DYM: variants seen among roughly 807,000 people sequenced by gnomAD.
DYM encodes the protein dymeclin, also known as dyggve-Melchior-Clausen syndrome protein.
Under a neutral mutation model 93.1 loss-of-function variants are expected in DYM, and 78 were observed. The observed-to-expected ratio is 0.84, with a 90% CI of 0.70 to 1.01. The LOEUF is 1.01. DYM is among the 50% of genes least tolerant of loss of function. The pLI, the probability that DYM is intolerant of heterozygous loss-of-function variation, is 0.00. For synonymous variants in DYM, 321 were observed against 319.7 expected, an observed-to-expected ratio of 1.00 and a Z score of -0.04; for missense variants, 789 against 845.0, an observed-to-expected ratio of 0.93 and a Z score of 0.82.
rs1035005245 is a variant in DYM at position 49,295,415 on chromosome 18, C to T, written c.764-8799G>A. ...TAAATTCCAACAAATGGGATATGAA[C>T]GGGAGCAGCACATGCAACTTTCAGG... On this transcript the variant is annotated intron_variant, in intron 8 of 17. Coordinates refer to ENST00000675505, the MANE Select transcript of DYM (RefSeq NM_001353214.3). Among the ~76,000 whole-genome samples, 4 of 152,066 alleles carry T rather than the reference C, an allele frequency of 2.6e-5. No individual in the cohort carries two copies. The East Asian group carries it at 7.7e-4, about 29-fold the overall frequency.
chr18:49,153,397 C>A (rs984069612), intron 15 of DYM, among the ~76,000 whole-genome samples: 1 of 152,106 alleles, frequency 6.6e-6, no homozygotes, highest in African/African-American at 2.4e-5. Flanking sequence ...CTCTGTTTTA[C>A]ACAGTTTCTT....
chr18:49,049,516 G>T (rs990220772), intron 17 of DYM, among the ~76,000 whole-genome samples: 6 of 152,164 alleles, frequency 3.9e-5, no homozygotes, highest in African/African-American at 1.4e-4. Flanking sequence ...CTGAGGCTTG[G>T]AATGTAACCA....
Position 49,039,050 on chromosome 18 carries a change from TA to T in DYM, c.*5004del, listed in dbSNP as rs2070808006. Among the ~76,000 whole-genome samples the T allele has an allele frequency of 6.6e-6, 1 of 152,252 alleles. No homozygotes were observed. The highest frequency in any genetic ancestry group is 1.5e-5 in the Non-Finnish European group (1 of 68,038). ...AGGGCTCTGTCCTTACGTTTGGGATTATTTTCCTTCTGCCTGTAAAACACCT... is the reference window on the plus strand; with the variant it reads ...AGGGCTCTGTCCTTACGTTTGGGATTTTTTCCTTCTGCCTGTAAAACACCT... On this transcript the variant is annotated 3_prime_UTR_variant, in exon 18 of 18. Coordinates refer to ENST00000675505, the MANE Select transcript of DYM (RefSeq NM_001353214.3).
chr18:49,046,333 A>G (rs1265951429), intron 17 of DYM, among the ~76,000 whole-genome samples: 3 of 149,990 alleles, frequency 2.0e-5, no homozygotes, highest in Non-Finnish European at 4.5e-5. Flanking sequence ...GACACACACA[A>G]TACACACACA....
At chr18:49,436,911 C>G (rs1373978445) in intron 1 of DYM, among the ~76,000 whole-genome samples, 1 of 152,110 alleles carries the variant, frequency 6.6e-6, no homozygotes, top group African/African-American at 2.4e-5. Context: ...AACTTAAAAG[C>G]AAGCAATTTT....
intron 15 of DYM, among the ~76,000 whole-genome samples, chr18:49,156,549 T>C (rs1222834977): frequency 1.3e-5 from 2 of 151,770 alleles, no homozygotes; most frequent in African/African-American, 4.8e-5. Context: ...CTGGCCAACA[T>C]GATGAGACCC....
intron 17 of DYM, among the ~76,000 whole-genome samples, chr18:49,077,393 G>A (rs954029630): frequency 3.3e-5 from 5 of 152,090 alleles, no homozygotes; most frequent in African/African-American, 1.2e-4. Context: ...ATTGAGATCT[G>A]TTCTATGGCT....
At chr18:49,147,800 C>T (rs1438706742) in intron 15 of DYM, among the ~76,000 whole-genome samples, 2 of 152,174 alleles carry the variant, frequency 1.3e-5, no homozygotes, top group Non-Finnish European at 2.9e-5. Flanking sequence ...CCTCAGGGAT[C>T]TAGAACTACA....
intron 5 of DYM, among the ~76,000 whole-genome samples, chr18:49,374,459 G>A (rs937277040): frequency 3.3e-5 from 5 of 152,190 alleles, no homozygotes; most frequent in African/African-American, 1.2e-4. Context: ...TATTTTGCCT[G>A]TGAAAGTTTA....
chr18:49,281,243 C>G (rs567469152), intron 10 of DYM, among the ~76,000 whole-genome samples: 2 of 152,320 alleles, frequency 1.3e-5, no homozygotes, highest in Non-Finnish European at 2.9e-5. Context: ...CAAATCAAAA[C>G]CTCAATGAGA....
chr18:49,130,237 T>C (rs1178374031), intron 15 of DYM, among the ~76,000 whole-genome samples: 2 of 152,144 alleles, frequency 1.3e-5, no homozygotes, highest in Admixed American at 6.5e-5. Context: ...AAAAGCCCTC[T>C]GACACTGCAG....
chr18:49,080,085 G>T (rs1312780553), intron 17 of DYM, among the ~76,000 whole-genome samples: 1 of 140,540 alleles, frequency 7.1e-6, no homozygotes, highest in African/African-American at 2.7e-5. Flanking sequence ...CTCACCTCCC[G>T]GACGGGGCGG....
chr18:49,403,628 G>A (rs2071099993), intron 2 of DYM, among the ~76,000 whole-genome samples: 1 of 152,026 alleles, frequency 6.6e-6, no homozygotes, highest in Non-Finnish European at 1.5e-5. Flanking sequence ...GTGTACGTGT[G>A]CAGGTTTGTT....
intron 2 of DYM, among the ~76,000 whole-genome samples, chr18:49,400,526 C>T (rs1473528076): frequency 1.3e-5 from 2 of 152,190 alleles, no homozygotes; most frequent in African/African-American, 4.8e-5. Context: ...ATACATCCCC[C>T]ACTGTGTCTG....
intron 14 of DYM, among the ~76,000 whole-genome samples, chr18:49,192,987 T>C (rs552440897): frequency 9.2e-5 from 14 of 152,294 alleles, no homozygotes; most frequent in African/African-American, 2.4e-4. Context: ...TTTAGATCAA[T>C]TGCACAGCAT....
chr18:49,200,724 C>A (rs2091920440), intron 14 of DYM, among the ~76,000 whole-genome samples: 1 of 152,044 alleles, frequency 6.6e-6, no homozygotes, highest in African/African-American at 2.4e-5. Flanking sequence ...CCACTATCTT[C>A]ATTACTAAAT....
intron 8 of DYM, among the ~76,000 whole-genome samples, chr18:49,325,725 T>G (rs1240405150): frequency 6.6e-6 from 1 of 152,196 alleles, no homozygotes; most frequent in Non-Finnish European, 1.5e-5. Flanking sequence ...AGTGTGCATT[T>G]AGATTTATTT....
intron 17 of DYM, chr18:49,049,582 G>C (rs947383043): frequency 8.5e-5 from 13 of 152,258 alleles, no homozygotes; most frequent in African/African-American, 2.4e-4. Flanking sequence ...CCACGTGAAG[G>C]GCTTGGTATA....
chr18:49,249,282 A>C (rs1294679614), intron 13 of DYM, among the ~76,000 whole-genome samples: 1 of 151,062 alleles, frequency 6.6e-6, no homozygotes, highest in Admixed American at 6.6e-5. Flanking sequence ...TGAGGATGGC[A>C]GGTATAAATT....
Sources: allele counts gnomAD v4.1 joint callset (sites outside exome capture counted in the v4.1 genomes callset), GRCh38; gene constraint gnomAD v4.1.1; transcripts MANE v1.5; gene names NCBI Gene and HGNC (gene_info 2026-07-23, HGNC 2026-07-21).